The following SEPTIN2 variants were observed in gnomAD, a reference collection of about 807,000 sequenced individuals.
SEPTIN2 encodes septin-2.
Under a neutral mutation model 46.5 loss-of-function variants are expected in SEPTIN2, and 34 were observed. The ratio of observed to expected loss-of-function variants is 0.73; its 90% confidence interval spans 0.56 to 0.97. SEPTIN2 has a LOEUF of 0.97. SEPTIN2 is among the 50% of genes least tolerant of loss of function. The pLI, the probability that SEPTIN2 is intolerant of heterozygous loss-of-function variation, is 0.00. For missense variants in SEPTIN2, 347 were observed against 448.4 expected, an observed-to-expected ratio of 0.77 and a Z score of 2.04; for synonymous variants, 175 against 153.4, an observed-to-expected ratio of 1.14 and a Z score of -1.04.
chr2:241,344,588 G>A (rs1201607554), intron 9 of SEPTIN2, among the ~76,000 whole-genome samples: 1 of 152,124 alleles, frequency 6.6e-6, no homozygotes. Context: ...TGTAATCCCA[G>A]CTACTCAGGA....
Position 241,337,454 on chromosome 2 carries a change from G to A in SEPTIN2, c.414G>A (p.Arg138=), listed in dbSNP as rs1311615845. 3 of 1,614,018 alleles carry A rather than the reference G, an allele frequency of 1.9e-6. No homozygotes were observed. Among genetic ancestry groups the A allele is most frequent in the East Asian group, 2.2e-5 (1 of 44,880 alleles). ...RYLHDESGLN[R]RHIIDNRVHC... is the part of the protein sequence containing the mutation. ...TGCATGACGAGAGCGGCTTGAACAG[G>A]CGGCACATCATTGATAATAGGGTGC... The change falls in exon 6 of 13, where the codon AGG becomes AGA. Residue 138 remains arginine (R), a synonymous_variant. Coordinates refer to ENST00000391971, the MANE Select transcript of SEPTIN2 (RefSeq NM_004404.5).
chr2:241,326,624 T>G (rs980395415), intron 3 of SEPTIN2, among the ~76,000 whole-genome samples: 6 of 143,654 alleles, frequency 4.2e-5, no homozygotes, highest in African/African-American at 1.6e-4. Flanking sequence ...TGTCATTTTC[T>G]AAGACTAGGT....
chr2:241,346,278 T>G (rs377121337), intron 10 of SEPTIN2, 29 bp downstream of exon 10: 11 of 1,580,296 alleles, frequency 7.0e-6, no homozygotes, highest in Non-Finnish European at 9.6e-6. Flanking sequence ...TTTCTCTGTA[T>G]TGTGTCACCC....
intron 1 of SEPTIN2, among the ~76,000 whole-genome samples, chr2:241,317,326 G>C (rs1272423749): frequency 6.6e-6 from 1 of 151,960 alleles, no homozygotes; most frequent in African/African-American, 2.4e-5. Flanking sequence ...CTTCCACCTT[G>C]ATTTCTCTCA....
intron 10 of SEPTIN2, among the ~76,000 whole-genome samples, chr2:241,347,532 G>GT (rs1244897451): frequency 1.3e-5 from 2 of 152,178 alleles, no homozygotes; most frequent in East Asian, 3.8e-4. Context: ...CTCCTTAAAT[G>GT]TGGTGACTAC....
intron 7 of SEPTIN2, 63 bp downstream of exon 7, chr2:241,337,853 A>G (rs1452467527): frequency 1.7e-6 from 2 of 1,178,624 alleles, no homozygotes; most frequent in African/African-American, 1.5e-5. Flanking sequence ...GGATGAAGAA[A>G]GGAGTGTGTT....
chr2:241,347,875 C>T lies in SEPTIN2; in HGVS notation c.927-259C>T, dbSNP rs73002122. Among the ~76,000 whole-genome samples, 367 of 152,150 alleles carry T rather than the reference C, an allele frequency of 2.4e-3. 2 individuals are homozygous for T. Among genetic ancestry groups the T allele is most frequent in the Non-Finnish European group, 4.5e-3 (307 of 68,008 alleles). ...CTAAACACAAAAAAAATTAGCTGGGCGTGGTAGCACGTGCCTGTAATGCCA... is the reference window on the plus strand; with the variant it reads ...CTAAACACAAAAAAAATTAGCTGGGTGTGGTAGCACGTGCCTGTAATGCCA... On this transcript the variant is annotated intron_variant, in intron 10 of 12. Coordinates refer to ENST00000391971, the MANE Select transcript of SEPTIN2 (RefSeq NM_004404.5).
In SEPTIN2 at chr2:241,337,681, C is replaced by A; in HGVS notation, c.485C>A (p.Pro162His). 1 of 1,612,344 alleles carries A rather than the reference C, an allele frequency of 6.2e-7. No homozygotes were observed. Among genetic ancestry groups the A allele is most frequent in the Middle Eastern group, 1.7e-4 (1 of 6,054 alleles). ...FISPFGHGLK[P>H]LDVAFMKAIH... Reference sequence around the variant, plus strand: ...TCTAAAATTAATTTTAGACTTAAGCCCTTAGATGTGGCGTTTATGAAGGCA... The same window carrying A: ...TCTAAAATTAATTTTAGACTTAAGCACTTAGATGTGGCGTTTATGAAGGCA... Residue 162 changes from proline (P) to histidine (H), a missense_variant, in exon 7 of 13, where the codon CCC (proline) becomes CAC (histidine). By Grantham distance (77) the Pro-to-His change is moderately conservative. Transcript: ENST00000391971.
In SEPTIN2 at chr2:241,353,928, C is replaced by G. The variant is rs1366558665; in HGVS notation, c.*1991C>G. 1 of 152,612 alleles carries G rather than the reference C, an allele frequency of 6.6e-6. No homozygotes were observed. The highest frequency in any genetic ancestry group is 1.5e-5 in the Non-Finnish European group (1 of 68,032). 9.5% of individuals were successfully genotyped at this position (152,612 alleles called of 1,614,324 possible). A position where few individuals can be genotyped will look rare whatever the true frequency, so the allele number is the denominator to read the frequency against. On this transcript the variant is annotated 3_prime_UTR_variant, in exon 13 of 13. Coordinates refer to ENST00000391971, the MANE Select transcript of SEPTIN2 (RefSeq NM_004404.5). ...CTCTTTTACTAAGACATAGTCTCTA[C>G]CTATAGAAATGTATTTTGAAAACAC... is the stretch of plus-strand genomic sequence containing the variant.
intron 7 of SEPTIN2, among the ~76,000 whole-genome samples, chr2:241,339,003 AATATT>A (rs1559645517): frequency 8.6e-6 from 1 of 116,598 alleles, no homozygotes; most frequent in Non-Finnish European, 1.7e-5. Flanking sequence ...AATATATATA[AATATT>A]ATATTTATAC....
At chr2:241,315,618 C>A, upstream of SEPTIN2, 1 of 152,480 alleles carries the variant, frequency 6.6e-6, no homozygotes, top group Non-Finnish European at 1.5e-5. Context: ...AAGGTAGGAA[C>A]TGTGGCGAAA....
intron 1 of SEPTIN2, chr2:241,316,829 C>T: frequency 3.1e-6 from 1 of 323,594 alleles, no homozygotes; most frequent in Non-Finnish European, 5.6e-6. Context: ...TGCCCAAACT[C>T]TTAAATCTGG....
intron 2 of SEPTIN2, chr2:241,324,969 T>TA (rs2077706220): frequency 1.9e-5 from 1 of 52,898 alleles, no homozygotes; most frequent in Admixed American, 2.6e-4. Context: ...ATTATTTCTG[T>TA]TTTTTTTTTA....
In SEPTIN2 at chr2:241,337,725, A is replaced by G. The variant is rs1281347441; in HGVS notation, c.529A>G (p.Ile177Val). 6.2e-7 allele frequency: 1 copy of G among 1,613,990 alleles called. No individual in the cohort carries two copies. The highest frequency in any genetic ancestry group is 8.5e-7 in the Non-Finnish European group (1 of 1,180,012). ...FMKAIHNKVNIVPVIAKADTL... is the reference protein window; with the variant it reads ...FMKAIHNKVNVVPVIAKADTL... ...GAAGGCAATACACAACAAGGTGAAT[A>G]TTGTGCCTGTCATTGCAAAAGCTGA... The change falls in exon 7 of 13, where the codon ATT becomes GTT. Residue 177 changes from isoleucine (I) to valine (V), a missense_variant. Transcript: ENST00000391971.
rs1366558665 is a variant in SEPTIN2 at position 241,353,928 on chromosome 2, C to T, written c.*1991C>T. On this transcript the variant is annotated 3_prime_UTR_variant, in exon 13 of 13. Coordinates refer to ENST00000391971, the MANE Select transcript of SEPTIN2 (RefSeq NM_004404.5). ...CTCTTTTACTAAGACATAGTCTCTACCTATAGAAATGTATTTTGAAAACAC... is the reference window on the plus strand; with the variant it reads ...CTCTTTTACTAAGACATAGTCTCTATCTATAGAAATGTATTTTGAAAACAC... 1 of 152,612 alleles carries T rather than the reference C, an allele frequency of 6.6e-6. No individual in the cohort carries two copies. 9.5% of individuals were successfully genotyped at this position (152,612 alleles called of 1,614,324 possible).
intron 7 of SEPTIN2, among the ~76,000 whole-genome samples, chr2:241,340,706 T>G (rs1335848089): frequency 6.6e-6 from 1 of 152,198 alleles, no homozygotes; most frequent in Non-Finnish European, 1.5e-5. Context: ...AGTGCTGGAT[T>G]ACAACATCTG....
At chr2:241,318,664 G>A (rs958510219) in intron 1 of SEPTIN2, among the ~76,000 whole-genome samples, 3 of 148,642 alleles carry the variant, frequency 2.0e-5, no homozygotes, top group African/African-American at 7.4e-5. Flanking sequence ...CTAAATTATC[G>A]TATTCTAGAA....
intron 3 of SEPTIN2, among the ~76,000 whole-genome samples, chr2:241,332,874 C>T (rs1447486120): frequency 1.3e-5 from 2 of 152,154 alleles, no homozygotes; most frequent in Non-Finnish European, 1.5e-5. Flanking sequence ...CAAAACAGGC[C>T]ATGTTGTATG....
intron 7 of SEPTIN2, among the ~76,000 whole-genome samples, chr2:241,342,230 TTTTG>T (rs1360817473): frequency 6.6e-6 from 1 of 152,018 alleles, no homozygotes; most frequent in Non-Finnish European, 1.5e-5. Context: ...TTTGACGAGG[TTTTG>T]TTTTTTTTTC....
Sources: gnomAD v4.1 joint callset for allele counts (sites outside exome capture counted in the v4.1 genomes callset) on GRCh38, gnomAD v4.1.1 for gene constraint, MANE v1.5 for transcripts, NCBI Gene and HGNC (gene_info 2026-07-23, HGNC 2026-07-21) for gene names.